Variants in ANXA8 observed in about 807,000 individuals in gnomAD.
ANXA8 encodes the protein VAC-beta.
In ANXA8, 9 loss-of-function variants were observed where a neutral mutation model predicts 26.8. The observed-to-expected ratio is 0.34, with a 90% CI of 0.20 to 0.59. The LOEUF is 0.59. ANXA8 is among the 20% of genes least tolerant of loss of function. The pLI is 0.84. For missense variants in ANXA8, 83 were observed against 238.5 expected (o/e 0.35, Z 4.29); for synonymous variants, 39 against 94.8 (o/e 0.41, Z 3.42).
the ANXA8 span, among the ~76,000 whole-genome samples, chr10:47,754,972 T>G: frequency 8.0e-6 from 1 of 125,432 alleles, no homozygotes; most frequent in Admixed American, 8.3e-5. Flanking sequence ...TCTTTTTTTT[T>G]TTTTTGACAG....
the ANXA8 span, among the ~76,000 whole-genome samples, chr10:47,945,097 C>G: frequency 6.6e-6 from 1 of 150,518 alleles, no homozygotes; most frequent in East Asian, 2.1e-4. Context: ...TCTTGCTGAC[C>G]CCCAAGACTG....
the ANXA8 span, among the ~76,000 whole-genome samples, chr10:47,952,128 C>G: frequency 0.18 from 25,627 of 143,260 alleles, 44 homozygotes; most frequent in Non-Finnish European, 0.26. Context: ...ATTCATCAAC[C>G]TGAAAAAATG....
At chr10:47,489,969 G>A in the ANXA8 span, among the ~76,000 whole-genome samples, 29 of 150,616 alleles carry the variant, frequency 1.9e-4, 1 homozygote, top group African/African-American at 6.7e-4. Context: ...CGAGCTCAAT[G>A]AGCCCCATGA....
the ANXA8 span, chr10:47,581,309 T>C: frequency 1.8e-5 from 9 of 499,250 alleles, no homozygotes; most frequent in East Asian, 4.9e-4. Context: ...CCCGTTCCTG[T>C]GCTTCTGGTA....
chr10:47,932,402 G>A, the ANXA8 span, among the ~76,000 whole-genome samples: 1 of 151,130 alleles, frequency 6.6e-6, no homozygotes, highest in Non-Finnish European at 1.5e-5. Context: ...ATGGCAAAAT[G>A]GGGAACTTAT....
chr10:47,646,647 A>G, the ANXA8 span, among the ~76,000 whole-genome samples: 1 of 151,876 alleles, frequency 6.6e-6, no homozygotes, highest in African/African-American at 2.4e-5. Flanking sequence ...TAGACTGATC[A>G]ATAATCCTAT....
the ANXA8 span, among the ~76,000 whole-genome samples, chr10:47,551,131 AT>A: frequency 6.6e-6 from 1 of 151,870 alleles, no homozygotes; most frequent in African/African-American, 2.4e-5. Context: ...TTTATGAGTG[AT>A]TTTTATAGTT....
At chr10:47,703,508 C>T in the ANXA8 span, among the ~76,000 whole-genome samples, 1 of 149,794 alleles carries the variant, frequency 6.7e-6, no homozygotes, top group African/African-American at 2.5e-5. Context: ...GTTGAGGCTG[C>T]AGTGAGCCGT....
At chr10:47,953,348 G>C in the ANXA8 span, among the ~76,000 whole-genome samples, 1 of 150,176 alleles carries the variant, frequency 6.7e-6, no homozygotes, top group African/African-American at 2.5e-5. Context: ...ATGCACTGCA[G>C]CATTACACAT....
At chr10:47,693,448 CG>C in the ANXA8 span, among the ~76,000 whole-genome samples, 1 of 151,498 alleles carries the variant, frequency 6.6e-6, no homozygotes, top group Non-Finnish European at 1.5e-5. Context: ...TGCCACCGCG[CG>C]CGGCTAATTT....
the ANXA8 span, among the ~76,000 whole-genome samples, chr10:47,749,318 A>G: frequency 6.7e-6 from 1 of 149,088 alleles, no homozygotes; most frequent in Non-Finnish European, 1.5e-5. Flanking sequence ...ACTAAAGGGA[A>G]TTCTTCAGGT....
the ANXA8 span, among the ~76,000 whole-genome samples, chr10:47,496,039 T>G: frequency 6.6e-6 from 1 of 151,332 alleles, no homozygotes; most frequent in Non-Finnish European, 1.5e-5. Context: ...AGGCTGTATC[T>G]GGGAAAGGAG....
the ANXA8 span, among the ~76,000 whole-genome samples, chr10:47,744,541 A>ATAAAGTC: frequency 9.9e-5 from 15 of 151,186 alleles, no homozygotes; most frequent in Admixed American, 8.6e-4. Context: ...CCACTTTGAG[A>ATAAAGTC]AACATACCTC....
At chr10:47,942,142 T>C in the ANXA8 span, among the ~76,000 whole-genome samples, 4 of 147,140 alleles carry the variant, frequency 2.7e-5, no homozygotes, top group African/African-American at 1.0e-4. Context: ...ATCATGGGAT[T>C]GTAGTAACAT....
At chr10:47,603,146 G>C in the ANXA8 span, among the ~76,000 whole-genome samples, 4,808 of 138,070 alleles carry the variant, frequency 0.035, 449 homozygotes, top group African/African-American at 0.15. Flanking sequence ...AACAGTAATT[G>C]AATTAATGAA....
At chr10:47,484,605 G>C (rs1839991769), upstream of ANXA8, 1 of 900,252 alleles carries the variant, frequency 1.1e-6, no homozygotes, top group African/African-American at 1.7e-5. Context: ...GCTGACTCTG[G>C]CTCCTGCCTG....
At chr10:47,950,590 C>G in the ANXA8 span, among the ~76,000 whole-genome samples, 1 of 149,852 alleles carries the variant, frequency 6.7e-6, no homozygotes. Flanking sequence ...GGGCAGAAAA[C>G]AACTTTATAC....
intron 1 of ANXA8, among the ~76,000 whole-genome samples, chr10:47,482,297 ACT>A (rs1311128394): frequency 8.4e-6 from 1 of 118,404 alleles, no homozygotes; most frequent in Non-Finnish European, 1.7e-5. Flanking sequence ...TCTCACCTAG[ACT>A]CTCACACTTA....
At chr10:47,966,349 C>T in the ANXA8 span, among the ~76,000 whole-genome samples, 1 of 149,812 alleles carries the variant, frequency 6.7e-6, no homozygotes, top group African/African-American at 2.4e-5. Flanking sequence ...GGGGTGGGTT[C>T]AGGAATGAGA....
Sources: allele counts gnomAD v4.1 joint callset (sites outside exome capture counted in the v4.1 genomes callset), GRCh38; gene constraint gnomAD v4.1.1; transcripts MANE v1.5; gene names NCBI Gene and HGNC (gene_info 2026-07-23, HGNC 2026-07-21).